Variants in TMEM256 observed in about 807,000 individuals in gnomAD.
TMEM256 encodes the protein transmembrane protein 256.
A neutral mutation model predicts 14.8 loss-of-function variants in TMEM256; 14 were observed. That is an observed-to-expected ratio of 0.95 (90% CI 0.63 to 1.48). The LOEUF (loss-of-function observed/expected upper bound fraction) is 1.48, where lower values mean the gene tolerates loss of function less well. Ranked by LOEUF, TMEM256 falls within the 40% of genes most tolerant of loss-of-function variation. The pLI is 0.00. For missense variants in TMEM256, 146 were observed against 137.9 expected (o/e 1.06, Z -0.30); for synonymous variants, 68 against 60.7 (o/e 1.12, Z -0.56).
At chr17:7,403,794 C>CCG in intron 1 of TMEM256, 105 bp from the exon 2 acceptor site, 1 of 908,070 alleles carries the variant, frequency 1.1e-6, no homozygotes, top group Non-Finnish European at 1.6e-6. Flanking sequence ...ACCCCCCCCC[C>CCG]CGCCCCAGGA....
chr17:7,403,382 G>T lies in TMEM256; in HGVS notation c.126C>A (p.Asp42Glu). 2.5e-6 allele frequency: 4 copies of T among 1,614,154 alleles called. No individual in the cohort carries two copies. Among genetic ancestry groups the T allele is most frequent in the African/African-American group, 2.7e-5 (2 of 75,050 alleles). Reference sequence around the variant, plus strand: ...GTAAGAAGTGGTGTTTGTTGGCCTTGTCAAACAGCTGTAAGAAAAACAGAA... The same window carrying T: ...GTAAGAAGTGGTGTTTGTTGGCCTTTTCAAACAGCTGTAAGAAAAACAGAA... ...FPDAYGKELF[D>E]KANKHHFLHS... Residue 42 changes from aspartate (D) to glutamate (E), a missense_variant, in exon 3 of 4, where the codon GAC becomes GAA. Asp to Glu is a conservative substitution (Grantham distance 45). Coordinates refer to ENST00000302422, the MANE Select transcript of TMEM256 (RefSeq NM_152766.5).
At position 7,403,356 on chromosome 17, in the gene TMEM256, T is replaced by G. The variant is rs1213245837; in HGVS notation, c.152A>C (p.His51Pro). 3 of 1,613,906 alleles carry G rather than the reference T, an allele frequency of 1.9e-6. No individual in the cohort carries two copies. Among genetic ancestry groups the G allele is most frequent in the Non-Finnish European group, 2.5e-6 (3 of 1,179,970 alleles). ...FDKANKHHFL[H>P]SLALLGVPHC... is the part of the protein sequence containing the mutation. ...GGGCACCCCTAACAGGGCCAGGCTG[T>G]GTAAGAAGTGGTGTTTGTTGGCCTT... The change falls in exon 3 of 4, where the codon CAC becomes CCC. Residue 51 changes from histidine (H) to proline (P), a missense_variant. Coordinates refer to ENST00000302422, the MANE Select transcript of TMEM256 (RefSeq NM_152766.5).
chr17:7,403,792 C>CCCA, intron 1 of TMEM256, 103 bp from the exon 2 acceptor site: 5 of 1,056,594 alleles, frequency 4.7e-6, no homozygotes, highest in South Asian at 2.8e-5. Context: ...GCACCCCCCC[C>CCCA]CCCGCCCCAG....
At position 7,403,106 on chromosome 17, in the gene TMEM256, C is replaced by T; in HGVS notation, c.302G>A (p.Gly101Glu). The change falls in exon 4 of 4, where the codon GGG becomes GAG. Residue 101 changes from glycine to glutamate, a missense_variant. By Grantham distance (98) the Gly-to-Glu change is moderately conservative. Coordinates refer to ENST00000302422, the MANE Select transcript of TMEM256 (RefSeq NM_152766.5). ...PSIQTLAPAG[G>E]TLLLLGWLAL... The stretch of plus-strand genomic sequence containing the variant: ...AAGCCAGCCCAAGAGTAGCAGGGTC[C>T]CTCCCGCAGGGGCCAAAGTCTGGAT... The T allele has an allele frequency of 6.2e-7, 1 of 1,614,006 alleles. No homozygotes were observed. Among genetic ancestry groups the T allele is most frequent in the Non-Finnish European group, 8.5e-7 (1 of 1,179,980 alleles).
intron 3 of TMEM256, 36 bp downstream of exon 3, chr17:7,403,274 G>T (rs1412826614): frequency 1.9e-6 from 3 of 1,609,148 alleles, no homozygotes; most frequent in Non-Finnish European, 2.5e-6. Flanking sequence ...GGGAGTGTGT[G>T]GGGCTTGGTC....
intron 1 of TMEM256, 116 bp downstream of exon 1, chr17:7,403,884 G>T: frequency 7.5e-7 from 1 of 1,340,824 alleles, no homozygotes. Flanking sequence ...AAGGTTTAGG[G>T]CTCCGCGGAC....
rs56134360 is a variant in TMEM256 at position 7,403,784 on chromosome 17, A to ACCCCC, written c.86-100_86-96dup. On this transcript the variant is annotated intron_variant, in intron 1 of 3. Transcript: ENST00000302422. ...CAGGTGGACATTGGCGAGAAAGGGC[A>ACCCCC]CCCCCCCCCCCGCCCCAGGAAGCTT... is the stretch of plus-strand genomic sequence containing the variant. 893 of 1,030,652 alleles carry ACCCCC rather than the reference A, an allele frequency of 8.7e-4. 11 individuals are homozygous for ACCCCC. Among genetic ancestry groups the ACCCCC allele is most frequent in the African/African-American group, 3.5e-3 (153 of 43,606 alleles). 63.8% of individuals were successfully genotyped at this position (1,030,652 alleles called of 1,614,324 possible).
chr17:7,403,215 G>A lies in TMEM256; in HGVS notation c.199-6C>T, dbSNP rs771803022. The A allele has an allele frequency of 6.2e-7, 1 of 1,614,052 alleles. No homozygotes were observed. Among genetic ancestry groups the A allele is most frequent in the African/African-American group, 1.3e-5 (1 of 74,922 alleles). On this transcript the variant is annotated splice_polypyrimidine_tract_variant and splice_region_variant and intron_variant, in intron 3 of 3. Transcript: ENST00000302422. ...GAAGCTAGCAATAACCCAGCCTGAA[G>A]GAGACACAGCACAGAAAACAGGATT...
In TMEM256 at chr17:7,403,343, C is replaced by T. The variant is rs1253713141; in HGVS notation, c.165G>A (p.Leu55=). 2 of 1,614,122 alleles carry T rather than the reference C, an allele frequency of 1.2e-6. No individual in the cohort carries two copies. Among genetic ancestry groups the T allele is most frequent in the African/African-American group, 2.7e-5 (2 of 74,938 alleles). Residue 55 remains leucine, a synonymous_variant, in exon 3 of 4, where the codon CTG becomes CTA. Transcript: ENST00000302422. The part of the protein sequence containing the change: ...NKHHFLHSLA[L]LGVPHCRKPL... ...GCTTTCTGCAATGGGGCACCCCTAA[C>T]AGGGCCAGGCTGTGTAAGAAGTGGT...
intron 1 of TMEM256, 66 bp from the exon 2 acceptor site, chr17:7,403,755 G>T (rs71370494): frequency 6.3e-7 from 1 of 1,574,886 alleles, no homozygotes; most frequent in Non-Finnish European, 8.6e-7. Flanking sequence ...AATCCGGGGG[G>T]ACCCAGGTGG....
Position 7,403,103 on chromosome 17 carries a change from G to A in TMEM256, c.305C>T (p.Thr102Ile), listed in dbSNP as rs769479919. ...SIQTLAPAGG[T>I]LLLLGWLALA... ...GGCAAGCCAGCCCAAGAGTAGCAGG[G>A]TCCCTCCCGCAGGGGCCAAAGTCTG... is the stretch of plus-strand genomic sequence containing the variant. The change falls in exon 4 of 4, where the codon ACC becomes ATC. Residue 102 changes from threonine (T) to isoleucine (I), a missense_variant. Physicochemically the swap from Thr to Ile is moderately conservative, Grantham distance 89 (BLOSUM62 -1). Coordinates refer to ENST00000302422, the MANE Select transcript of TMEM256 (RefSeq NM_152766.5). 3.1e-6 allele frequency: 5 copies of A among 1,614,084 alleles called. No homozygotes were observed. In the East Asian group the frequency reaches 1.1e-4, roughly 36 times the overall value.
chr17:7,403,952 C>T (rs763437067), intron 1 of TMEM256, 48 bp downstream of exon 1: 248 of 1,512,306 alleles, frequency 1.6e-4, no homozygotes, highest in Middle Eastern at 3.4e-4. Flanking sequence ...CAGCAGACCC[C>T]AGAGGACGCC....
In TMEM256 at chr17:7,403,120, C is replaced by T. The variant is rs1485250284; in HGVS notation, c.288G>A (p.Leu96=). The T allele has an allele frequency of 1.2e-6, 2 of 1,614,052 alleles. No individual in the cohort carries two copies. The highest frequency in any genetic ancestry group is 1.3e-5 in the African/African-American group (1 of 74,920). Residue 96 remains leucine, a synonymous_variant, in exon 4 of 4, where the codon TTG becomes TTA. Transcript: ENST00000302422. Reference sequence around the variant, plus strand: ...GTAGCAGGGTCCCTCCCGCAGGGGCCAAAGTCTGGATGCTGGGGTCTCCAC... The same window carrying T: ...GTAGCAGGGTCCCTCCCGCAGGGGCTAAAGTCTGGATGCTGGGGTCTCCAC... ...ALSGDPSIQT[L]APAGGTLLLL... is the part of the protein sequence containing the mutation.
intron 2 of TMEM256, 70 bp from the exon 3 acceptor site, chr17:7,403,460 G>A: frequency 6.5e-7 from 1 of 1,541,884 alleles, no homozygotes. Flanking sequence ...ATGACACAAG[G>A]GACCAAAGTT....
rs749206986 is a variant in TMEM256, at chr17:7,404,040, G to A, written c.45C>T (p.Ser15=). ...AAGCGAAGCCTAAGGCCGCAGCTCC[G>A]GACAAGGCGCCCAAGCGGCGGAAAG... is the stretch of plus-strand genomic sequence containing the variant. ...AAAFRRLGAL[S]GAAALGFASY... The change falls in exon 1 of 4, where the codon TCC becomes TCT. Residue 15 remains serine (S), a synonymous_variant. Transcript: ENST00000302422. The A allele has an allele frequency of 4.4e-6, 7 of 1,602,124 alleles. No individual in the cohort carries two copies. Among genetic ancestry groups the A allele is most frequent in the Non-Finnish European group, 6.0e-6 (7 of 1,174,448 alleles).
rs903059425 is a variant in TMEM256 at position 7,403,789 on chromosome 17, C to A, written c.86-100G>T. On this transcript the variant is annotated intron_variant, in intron 1 of 3. Coordinates refer to ENST00000302422, the MANE Select transcript of TMEM256 (RefSeq NM_152766.5). ...GGACATTGGCGAGAAAGGGCACCCCCCCCCCCGCCCCAGGAAGCTTCCGAT... is the reference window on the plus strand; with the variant it reads ...GGACATTGGCGAGAAAGGGCACCCCACCCCCCGCCCCAGGAAGCTTCCGAT... The A allele has an allele frequency of 3.9e-5, 40 of 1,025,274 alleles. 2 individuals are homozygous for A. In the South Asian group the frequency reaches 5.0e-4, roughly 13 times the overall value. 63.5% of individuals were successfully genotyped at this position (1,025,274 alleles called of 1,614,324 possible).
chr17:7,403,200 A>G lies in TMEM256; in HGVS notation c.208T>C (p.Leu70=), dbSNP rs748708989. The G allele has an allele frequency of 1.9e-6, 3 of 1,614,068 alleles. No individual in the cohort carries two copies. Among genetic ancestry groups the G allele is most frequent in the African/African-American group, 2.7e-5 (2 of 74,930 alleles). ...AATAAGGTCGTTCCGGAAGCTAGCA[A>G]TAACCCAGCCTGAAGGAGACACAGC... The part of the protein sequence containing the change: ...HCRKPLWAGL[L]LASGTTLFCT... The change falls in exon 4 of 4, where the codon TTG becomes CTG. Residue 70 remains leucine (L), a synonymous_variant. Transcript: ENST00000302422.
Position 7,403,347 on chromosome 17 carries a change from G to A in TMEM256, c.161C>T (p.Ala54Val), listed in dbSNP as rs1465307882. The change falls in exon 3 of 4, where the codon GCC (alanine) becomes GTC (valine). Residue 54 changes from alanine to valine, a missense_variant. Ala to Val is a moderately conservative substitution (Grantham distance 64). Transcript: ENST00000302422. ...TCTGCAATGGGGCACCCCTAACAGG[G>A]CCAGGCTGTGTAAGAAGTGGTGTTT... ...ANKHHFLHSL[A>V]LLGVPHCRKP... 1.2e-6 allele frequency: 2 copies of A among 1,614,106 alleles called. No individual in the cohort carries two copies. The highest frequency in any genetic ancestry group is 1.7e-5 in the Admixed American group (1 of 60,010).
At chr17:7,403,850 T>C (rs112166972) in intron 1 of TMEM256, 150 bp downstream of exon 1, 149 of 1,126,712 alleles carry the variant, frequency 1.3e-4, no homozygotes, top group African/African-American at 9.1e-4. Context: ...TGGGAACCAA[T>C]TGGACCCAGC....
Sources: gnomAD v4.1 joint callset for allele counts on GRCh38, gnomAD v4.1.1 for gene constraint, MANE v1.5 for transcripts, NCBI Gene and HGNC (gene_info 2026-07-23, HGNC 2026-07-21) for gene names.